Variants in PARD3B observed in about 807,000 individuals in gnomAD.
PARD3B encodes par-3 family cell polarity regulator beta, also known as partitioning defective 3 homolog B.
Under a neutral mutation model 130.2 loss-of-function variants are expected in PARD3B, and 103 were observed. The observed-to-expected ratio is 0.79, with a 90% CI of 0.67 to 0.93. The LOEUF (loss-of-function observed/expected upper bound fraction) is 0.93. Ranked by LOEUF, PARD3B falls within the 40% of genes least tolerant of loss-of-function variation. The pLI is 0.00. For missense variants in PARD3B, 1,609 were observed against 1,499.2 expected (o/e 1.07, Z -1.21); for synonymous variants, 583 against 553.2 (o/e 1.05, Z -0.76).
At chr2:204,944,320 A>G (rs529703372) in intron 2 of PARD3B, among the ~76,000 whole-genome samples, 86 of 152,330 alleles carry the variant, frequency 5.6e-4, no homozygotes, top group African/African-American at 1.9e-3. Context: ...AGAGGGTAGG[A>G]GATGACTCTC....
chr2:205,130,517 G>T (rs1044957822), intron 10 of PARD3B, among the ~76,000 whole-genome samples: 3 of 152,126 alleles, frequency 2.0e-5, no homozygotes, highest in African/African-American at 7.2e-5. Context: ...TATTTGCTAT[G>T]TATGTGTGTG....
intron 1 of PARD3B, among the ~76,000 whole-genome samples, chr2:204,621,139 T>C (rs2034288443): frequency 6.6e-6 from 1 of 152,140 alleles, no homozygotes; most frequent in African/African-American, 2.4e-5. Flanking sequence ...TCTTAGTAGA[T>C]GGATTACAAA....
chr2:205,117,915 G>GTACACACACACACACA (rs1553617390), intron 6 of PARD3B, among the ~76,000 whole-genome samples: 4 of 133,598 alleles, frequency 3.0e-5, no homozygotes, highest in Admixed American at 1.4e-4. Flanking sequence ...ATGTATGTGT[G>GTACACACACACACACA]TACACACACA....
At chr2:205,079,355 C>A (rs1701265934) in intron 4 of PARD3B, among the ~76,000 whole-genome samples, 2 of 152,296 alleles carry the variant, frequency 1.3e-5, no homozygotes, top group South Asian at 4.1e-4. Flanking sequence ...TCGTTTCTCA[C>A]ATTGCTAGAG....
intron 3 of PARD3B, among the ~76,000 whole-genome samples, chr2:205,016,256 A>G (rs913368215): frequency 6.6e-6 from 1 of 152,218 alleles, no homozygotes; most frequent in African/African-American, 2.4e-5. Flanking sequence ...GGCCTCCTCT[A>G]GCACATAGAA....
intron 18 of PARD3B, among the ~76,000 whole-genome samples, chr2:205,328,453 T>C (rs1055783369): frequency 2.6e-5 from 4 of 152,160 alleles, no homozygotes; most frequent in Non-Finnish European, 4.4e-5. Context: ...ATGGTTTTTA[T>C]AAGTAAATAT....
chr2:204,580,369 C>T (rs1365694971), intron 1 of PARD3B, among the ~76,000 whole-genome samples: 1 of 152,106 alleles, frequency 6.6e-6, no homozygotes, highest in African/African-American at 2.4e-5. Flanking sequence ...TTTCTGGGAG[C>T]TCCTCTCTCT....
Position 205,183,762 on chromosome 2 carries a change from G to GTGTGTA in PARD3B, c.1925-1997_1925-1996insATGTGT, listed in dbSNP as rs1276368631. Reference sequence around the variant, plus strand: ...TGTGTGTGTGTGTGTGTGTGTGTGTGTGTGTGTGTGTGAACAGATTTATGA... The same window carrying GTGTGTA: ...TGTGTGTGTGTGTGTGTGTGTGTGTGTGTGTATGTGTGTGTGTGAACAGATTTATGA... On this transcript the variant is annotated intron_variant, in intron 13 of 22. Coordinates refer to ENST00000406610, the MANE Select transcript of PARD3B (RefSeq NM_001302769.2). The surrounding 1 kb of genome is among the most constrained non-coding windows in gnomAD (Gnocchi z 5.2). Among the ~76,000 whole-genome samples the GTGTGTA allele has an allele frequency of 2.0e-5, 3 of 151,664 alleles. No individual in the cohort carries two copies. The highest frequency in any genetic ancestry group is 4.4e-5 in the Non-Finnish European group (3 of 67,932).
At chr2:205,380,934 G>GAATACATATAATATATAAAT (rs2045381462) in intron 18 of PARD3B, among the ~76,000 whole-genome samples, 1 of 81,434 alleles carries the variant, frequency 1.2e-5, no homozygotes, top group Admixed American at 2.0e-4. Flanking sequence ...AATATATAAA[G>GAATACATATAATATATAAAT]AATATATATA....
At chr2:205,474,269 T>C (rs1400693363) in intron 20 of PARD3B, among the ~76,000 whole-genome samples, 3 of 152,184 alleles carry the variant, frequency 2.0e-5, no homozygotes, top group African/African-American at 7.2e-5. Context: ...ATAAAATTGC[T>C]AATTATTCCA....
intron 4 of PARD3B, among the ~76,000 whole-genome samples, chr2:205,089,202 C>CT: frequency 6.8e-6 from 1 of 147,262 alleles, no homozygotes; most frequent in African/African-American, 2.5e-5. Context: ...TGAAGTCTCG[C>CT]TCTTGTCCCC....
At chr2:205,278,370 G>A in intron 16 of PARD3B, among the ~76,000 whole-genome samples, 1 of 152,146 alleles carries the variant, frequency 6.6e-6, no homozygotes, top group South Asian at 2.1e-4. Flanking sequence ...AAGATTTCGG[G>A]GACTAGAGAG....
rs568856273 is a variant in PARD3B, at chr2:205,314,635, T to C, written c.2630+12934T>C. 2.0e-3 allele frequency among the ~76,000 whole-genome samples: 297 copies of C among 152,256 alleles called. 2 individuals are homozygous for C. The highest frequency in any genetic ancestry group is 7.0e-3 in the African/African-American group (291 of 41,566). The stretch of plus-strand genomic sequence containing the variant: ...GATAAGAGATACATACATTGAAAAA[T>C]AGATAGGAGATATACAAATATTTCA... On this transcript the variant is annotated intron_variant, in intron 18 of 22. Transcript: ENST00000406610.
chr2:205,418,375 G>A (rs540115403), intron 19 of PARD3B, among the ~76,000 whole-genome samples: 1 of 152,216 alleles, frequency 6.6e-6, no homozygotes, highest in African/African-American at 2.4e-5. Flanking sequence ...GAGGGAAATG[G>A]CAAGATGCGT....
chr2:204,843,667 G>A (rs545979738), intron 2 of PARD3B, among the ~76,000 whole-genome samples: 3 of 152,168 alleles, frequency 2.0e-5, no homozygotes, highest in South Asian at 2.1e-4. Context: ...GAGCCACCGC[G>A]CCCAGTCCAG....
chr2:205,475,880 A>G (rs1449206722), intron 20 of PARD3B, among the ~76,000 whole-genome samples: 1 of 152,176 alleles, frequency 6.6e-6, no homozygotes, highest in Non-Finnish European at 1.5e-5. Context: ...TGCTCATAAT[A>G]CAAGTTCTCT....
chr2:204,775,988 C>A (rs2041601004), intron 2 of PARD3B, among the ~76,000 whole-genome samples: 1 of 152,182 alleles, frequency 6.6e-6, no homozygotes, highest in African/African-American at 2.4e-5. Flanking sequence ...TTTAACTCTT[C>A]TAAGAGAAAT....
intron 3 of PARD3B, among the ~76,000 whole-genome samples, chr2:204,974,436 A>G (rs984380426): frequency 2.6e-5 from 4 of 152,208 alleles, no homozygotes; most frequent in African/African-American, 9.6e-5. Flanking sequence ...CGTAACTTCA[A>G]TGTCCATTTT....
intron 4 of PARD3B, among the ~76,000 whole-genome samples, chr2:205,101,752 C>T (rs1702804618): frequency 6.6e-6 from 1 of 152,102 alleles, no homozygotes; most frequent in African/African-American, 2.4e-5. Flanking sequence ...CTTTTGAAAA[C>T]ATTATTCTAA....
Sources: allele counts gnomAD v4.1 joint callset (sites outside exome capture counted in the v4.1 genomes callset), GRCh38; gene constraint gnomAD v4.1.1; non-coding constraint Gnocchi (gnomAD v3.1); transcripts MANE v1.5; gene names NCBI Gene and HGNC (gene_info 2026-07-23, HGNC 2026-07-21).